Variants in HSD17B3 observed in about 807,000 individuals in gnomAD.
HSD17B3 encodes the protein 17-beta-hydroxysteroid dehydrogenase type 3.
Under a neutral mutation model 41.1 loss-of-function variants are expected in HSD17B3, and 29 were observed. That is an observed-to-expected ratio of 0.71 (90% confidence interval 0.53 to 0.96). The LOEUF is 0.96. Among genes scored for constraint, HSD17B3 ranks in the 40% least tolerant of loss-of-function variants. The pLI, the probability that HSD17B3 is intolerant of heterozygous loss-of-function variation, is 0.00. For missense variants in HSD17B3, 323 were observed against 374.6 expected (o/e 0.86, Z 1.14); for synonymous variants, 126 against 145.6 (o/e 0.87, Z 0.97).
chr9:96,245,275 C>T, intron 8 of HSD17B3, 70 bp downstream of exon 8: 1 of 1,208,628 alleles, frequency 8.3e-7, no homozygotes, highest in East Asian at 2.3e-5. Context: ...GCCAGATGAT[C>T]AAAGGAAATT....
chr9:96,262,705 T>C (rs1670703739), intron 2 of HSD17B3, among the ~76,000 whole-genome samples: 3 of 152,224 alleles, frequency 2.0e-5, no homozygotes, highest in African/African-American at 7.2e-5. Flanking sequence ...ATCAAAATAA[T>C]GGCAAAAAGT....
intron 2 of HSD17B3, among the ~76,000 whole-genome samples, chr9:96,297,341 CTTTTTTTTTTT>C (rs71368242): frequency 4.1e-5 from 3 of 73,570 alleles, no homozygotes; most frequent in African/African-American, 5.2e-5. Context: ...TTATTGATTT[CTTTTTTTTTTT>C]TTTTTTTTTT....
At chr9:96,280,971 A>G (rs1207781193) in intron 2 of HSD17B3, among the ~76,000 whole-genome samples, 1 of 152,162 alleles carries the variant, frequency 6.6e-6, no homozygotes, top group Non-Finnish European at 1.5e-5. Flanking sequence ...CTTGTTTAGC[A>G]TATCATCAAG....
At position 96,243,056 on chromosome 9, in the gene HSD17B3, G is replaced by A. The variant is rs949762860; in HGVS notation, c.672+1273C>T. 6.6e-5 allele frequency among the ~76,000 whole-genome samples: 10 copies of A among 152,268 alleles called. 1 individual carries two copies. Among genetic ancestry groups the A allele is most frequent in the Middle Eastern group, 6.8e-3 (2 of 294 alleles). ...CCCACTCCTTTTCCTCTGGCATGTC[G>A]GCTGCTCCGTCAGCCTGGGGCCCTG... On this transcript the variant is annotated intron_variant, in intron 9 of 10. Coordinates refer to ENST00000375263, the MANE Select transcript of HSD17B3 (RefSeq NM_000197.2).
Position 96,267,263 on chromosome 9 carries a change from TCAC to T in HSD17B3, c.202-12323_202-12321del, listed in dbSNP as rs1374266520. Among the ~76,000 whole-genome samples the T allele has an allele frequency of 3.2e-3, 486 of 151,832 alleles. 3 individuals carry two copies. The highest frequency in any genetic ancestry group is 0.011 in the African/African-American group (465 of 41,376). ...CCTCCACCTCCCAGGTTCAAGCAAT[TCAC>T]CTATCTCAGCCTCCTGAGTAGCTGG... is the stretch of plus-strand genomic sequence containing the variant. On this transcript the variant is annotated intron_variant, in intron 2 of 10. Coordinates refer to ENST00000375263, the MANE Select transcript of HSD17B3 (RefSeq NM_000197.2).
At chr9:96,290,851 C>CA (rs965219450) in intron 2 of HSD17B3, among the ~76,000 whole-genome samples, 23 of 134,570 alleles carry the variant, frequency 1.7e-4, no homozygotes, top group African/African-American at 2.8e-4. Context: ...AACTCTGTCT[C>CA]AAAAAAAAAA....
chr9:96,255,371 T>C (rs1025466266), intron 2 of HSD17B3, among the ~76,000 whole-genome samples: 5 of 28,044 alleles, frequency 1.8e-4, no homozygotes, highest in African/African-American at 1.0e-3. Flanking sequence ...ACATTTCTTT[T>C]TTTTTTTTTT....
chr9:96,289,626 C>T (rs967441271), intron 2 of HSD17B3, among the ~76,000 whole-genome samples: 3 of 152,186 alleles, frequency 2.0e-5, no homozygotes, highest in African/African-American at 4.8e-5. Context: ...ACAAAGGATG[C>T]TCTTTGCCTG....
intron 4 of HSD17B3, among the ~76,000 whole-genome samples, chr9:96,252,033 C>A (rs1196071650): frequency 6.6e-6 from 1 of 152,140 alleles, no homozygotes; most frequent in Non-Finnish European, 1.5e-5. Flanking sequence ...GTGCACGCGG[C>A]CGTAAAGTAT....
At chr9:96,272,497 G>A (rs866458119) in intron 2 of HSD17B3, among the ~76,000 whole-genome samples, 15 of 135,650 alleles carry the variant, frequency 1.1e-4, no homozygotes, top group Admixed American at 2.4e-4. Flanking sequence ...AGCCATCAGG[G>A]AAATACAAAT....
rs569232708 is a variant in HSD17B3 at position 96,240,113 on chromosome 9, C to T, written c.822+645G>A. ...GGGAGAGAGAGCATTAGGACAAATA[C>T]CTAGTGCAAGCAGGGCTTAAAACCT... On this transcript the variant is annotated intron_variant, in intron 10 of 10. Transcript: ENST00000375263. Among the ~76,000 whole-genome samples the T allele has an allele frequency of 2.0e-5, 3 of 152,258 alleles. No individual in the cohort carries two copies. The East Asian group carries it at 5.8e-4, about 29-fold the overall frequency.
At chr9:96,292,170 TA>T (rs199754695) in intron 2 of HSD17B3, among the ~76,000 whole-genome samples, 10 of 149,626 alleles carry the variant, frequency 6.7e-5, no homozygotes, top group African/African-American at 1.7e-4. Context: ...ACTTGAAGAT[TA>T]AAAAAAAAGC....
intron 2 of HSD17B3, among the ~76,000 whole-genome samples, chr9:96,262,229 CTTTTTTTTTTTTTT>C (rs71368240): frequency 3.7e-5 from 2 of 54,166 alleles, no homozygotes; most frequent in South Asian, 9.8e-4. Context: ...ATGTCAATTG[CTTTTTTTTTTTTTT>C]TTTTTTTTTT....
intron 2 of HSD17B3, among the ~76,000 whole-genome samples, chr9:96,288,584 C>T (rs976011440): frequency 6.6e-6 from 1 of 151,806 alleles, no homozygotes; most frequent in Non-Finnish European, 1.5e-5. Flanking sequence ...AGTTCAAGAC[C>T]AACCCAGGCA....
chr9:96,295,736 TG>T (rs1827335074), intron 2 of HSD17B3, among the ~76,000 whole-genome samples: 1 of 152,242 alleles, frequency 6.6e-6, no homozygotes, highest in Non-Finnish European at 1.5e-5. Flanking sequence ...TCACATAAGA[TG>T]GCTTTGTTAT....
intron 2 of HSD17B3, among the ~76,000 whole-genome samples, chr9:96,284,817 T>C (rs1325009617): frequency 6.7e-6 from 1 of 150,114 alleles, no homozygotes; most frequent in Non-Finnish European, 1.5e-5. Flanking sequence ...ATTCCTTCTA[T>C]GGAACAGAGT....
In HSD17B3 at chr9:96,300,607, T is replaced by TTGTG. The variant is rs10545828; in HGVS notation, c.154+1340_154+1343dup. Among the ~76,000 whole-genome samples the TTGTG allele has an allele frequency of 3.7e-3, 404 of 109,870 alleles. 39 individuals carry two copies. The highest frequency in any genetic ancestry group is 0.013 in the Middle Eastern group (3 of 238). 72.1% of individuals were successfully genotyped at this position (109,870 alleles called of 152,430 possible). The stretch of plus-strand genomic sequence containing the variant: ...TTAATCATTTTTGTCATTGGATTCT[T>TTGTG]TGTGTGTGTGTGTGTGTGTGTGTGT... On this transcript the variant is annotated intron_variant, in intron 1 of 10. Transcript: ENST00000375263.
chr9:96,265,464 G>A (rs761700273), intron 2 of HSD17B3, among the ~76,000 whole-genome samples: 4 of 152,036 alleles, frequency 2.6e-5, no homozygotes, highest in Non-Finnish European at 5.9e-5. Flanking sequence ...GAGTTATTTG[G>A]CTAAATGGCC....
intron 2 of HSD17B3, among the ~76,000 whole-genome samples, chr9:96,273,118 G>T (rs1264039895): frequency 1.3e-5 from 2 of 152,180 alleles, no homozygotes; most frequent in Non-Finnish European, 2.9e-5. Flanking sequence ...TGATGGAATT[G>T]TTCTGTATCT....
Sources: gnomAD v4.1 joint callset for allele counts (sites outside exome capture counted in the v4.1 genomes callset) on GRCh38, gnomAD v4.1.1 for gene constraint, MANE v1.5 for transcripts, NCBI Gene and HGNC (gene_info 2026-07-23, HGNC 2026-07-21) for gene names.